Variants in MLIP observed in about 807,000 individuals in gnomAD.
The protein encoded by MLIP is muscular LMNA interacting protein, also known as muscular LMNA-interacting protein.
MLIP carries 79 observed loss-of-function variants against 84.8 expected under a neutral mutation model. The ratio of observed to expected loss-of-function variants is 0.93; its 90% CI spans 0.78 to 1.12. MLIP has a LOEUF of 1.12. Among genes scored for constraint, MLIP ranks in the 50% most tolerant of loss-of-function variants. The pLI is 0.00. For missense variants in MLIP, 1,257 were observed against 1,160.6 expected (o/e 1.08, Z -1.21); for synonymous variants, 504 against 463.0 (o/e 1.09, Z -1.14).
intron 12 of MLIP, among the ~76,000 whole-genome samples, chr6:54,247,841 T>A (rs1446981220): frequency 1.3e-5 from 2 of 151,760 alleles, no homozygotes; most frequent in African/African-American, 4.8e-5. Flanking sequence ...TAGAGGAGAG[T>A]GGAATGGGAT....
chr6:54,037,646 TGCAGAAGTTTATCAGATTTGTTGAGAAA>T (rs1420057455), intron 1 of MLIP, among the ~76,000 whole-genome samples: 1 of 151,982 alleles, frequency 6.6e-6, no homozygotes, highest in Non-Finnish European at 1.5e-5. Flanking sequence ...TTTGTAAATT[TGCAGAAGTTTATCAGATTTGTTGAGAAA>T]GCAAAGGTCA....
chr6:54,134,658 T>C (rs1171264600), intron 3 of MLIP, among the ~76,000 whole-genome samples: 2 of 152,024 alleles, frequency 1.3e-5, no homozygotes, highest in South Asian at 2.1e-4. Context: ...TTTGAGGAAA[T>C]TGGAGAGGTT....
chr6:54,253,755 C>T (rs912568747), intron 12 of MLIP, among the ~76,000 whole-genome samples: 1 of 152,080 alleles, frequency 6.6e-6, no homozygotes, highest in East Asian at 1.9e-4. Context: ...TTGGTGGCAG[C>T]TGTGACCAAA....
At chr6:54,215,186 G>T in intron 11 of MLIP, 5 of 1,535,370 alleles carry the variant, frequency 3.3e-6, no homozygotes, top group Non-Finnish European at 4.4e-6. Context: ...GACACGTCTG[G>T]TCCTTGGCTC....
intron 10 of MLIP, 84 bp downstream of exon 10, chr6:54,189,998 A>G: frequency 2.2e-6 from 2 of 892,234 alleles, no homozygotes; most frequent in Non-Finnish European, 3.5e-6. Context: ...AAAAAAGAAT[A>G]CATTTACTAT....
intron 1 of MLIP, among the ~76,000 whole-genome samples, chr6:54,114,013 G>T (rs945034022): frequency 6.6e-6 from 1 of 152,126 alleles, no homozygotes; most frequent in African/African-American, 2.4e-5. Flanking sequence ...TTTATATTTG[G>T]ACTGGTTCCT....
intron 4 of MLIP, among the ~76,000 whole-genome samples, chr6:54,146,518 C>A (rs921782113): frequency 6.6e-6 from 1 of 152,058 alleles, no homozygotes; most frequent in African/African-American, 2.4e-5. Context: ...GGAAATAGGA[C>A]CAATGAGATA....
chr6:54,029,726 C>A (rs904845790), intron 1 of MLIP, among the ~76,000 whole-genome samples: 1 of 151,918 alleles, frequency 6.6e-6, no homozygotes, highest in Non-Finnish European at 1.5e-5. Context: ...ATCATATAAC[C>A]AAAATTATGT....
rs67803711 is a variant in MLIP, at chr6:54,266,031, C to CTT, written c.*89_*90dup. The CTT allele has an allele frequency of 1.2e-3, 1,445 of 1,200,226 alleles. No individual in the cohort carries two copies. Among genetic ancestry groups the CTT allele is most frequent in the South Asian group, 1.4e-3 (96 of 68,478 alleles). The allele number at this position is 1,200,226 out of a possible 1,614,324, so 74.3% of individuals were successfully genotyped here. The stretch of plus-strand genomic sequence containing the variant: ...GGTGCTAACCACTTGCTAGATTTAA[C>CTT]TTTTTTTTTTTTTTCCAGAATGAGT... On this transcript the variant is annotated 3_prime_UTR_variant, in exon 14 of 14. Transcript: ENST00000502396.
chr6:54,019,114 C>T (rs1763358756), intron 1 of MLIP: 1 of 1,609,528 alleles, frequency 6.2e-7, no homozygotes, highest in Non-Finnish European at 8.5e-7. Context: ...ATTTAGCACA[C>T]ACAGATTTAT....
intron 12 of MLIP, among the ~76,000 whole-genome samples, chr6:54,252,565 A>T (rs564591730): frequency 2.7e-5 from 4 of 147,232 alleles, no homozygotes; most frequent in South Asian, 4.2e-4. Flanking sequence ...ATAACATATT[A>T]TCATGATATG....
At chr6:54,080,508 A>G (rs1767071068) in intron 1 of MLIP, among the ~76,000 whole-genome samples, 1 of 151,930 alleles carries the variant, frequency 6.6e-6, no homozygotes, top group African/African-American at 2.4e-5. Flanking sequence ...CTTTCTATTT[A>G]ATATCAATGG....
intron 1 of MLIP, chr6:54,083,369 C>G (rs1029135809): frequency 1.9e-6 from 2 of 1,043,070 alleles, no homozygotes; most frequent in Admixed American, 2.6e-5. Context: ...ATTGAAATAA[C>G]AGATGCATTG....
Position 54,246,381 on chromosome 6 carries a change from A to G in MLIP, c.2923-10927A>G, listed in dbSNP as rs73741491. On this transcript the variant is annotated intron_variant, in intron 12 of 13. Transcript: ENST00000502396. The stretch of plus-strand genomic sequence containing the variant: ...TCATTGATTTTATTACCAGTATATA[A>G]TATCTTTTTTTCTGTCCCTTATAGC... Among the ~76,000 whole-genome samples, 1,270 of 152,232 alleles carry G rather than the reference A, an allele frequency of 8.3e-3. 19 individuals carry two copies. Among genetic ancestry groups the G allele is most frequent in the African/African-American group, 0.028 (1,152 of 41,564 alleles).
intron 12 of MLIP, among the ~76,000 whole-genome samples, chr6:54,233,692 C>G (rs964271233): frequency 2.0e-5 from 3 of 152,036 alleles, no homozygotes; most frequent in African/African-American, 7.2e-5. Flanking sequence ...GGGTATATAC[C>G]CAGTAATGGG....
intron 11 of MLIP, among the ~76,000 whole-genome samples, chr6:54,225,386 T>C (rs779267580): frequency 6.6e-6 from 1 of 152,194 alleles, no homozygotes; most frequent in Non-Finnish European, 1.5e-5. Context: ...AATCTAAGCA[T>C]ATCTAAACAT....
chr6:54,050,148 C>A (rs138360593), intron 1 of MLIP, among the ~76,000 whole-genome samples: 2 of 152,038 alleles, frequency 1.3e-5, no homozygotes, highest in Non-Finnish European at 2.9e-5. Flanking sequence ...TTTAAATTCA[C>A]TTCCCCTCAT....
At chr6:54,204,255 T>C (rs999867399) in intron 11 of MLIP, among the ~76,000 whole-genome samples, 1 of 152,176 alleles carries the variant, frequency 6.6e-6, no homozygotes, top group Non-Finnish European at 1.5e-5. Flanking sequence ...TTTGTTGATA[T>C]ATAAGGTTGC....
At chr6:54,109,818 A>G (rs1021275279), upstream of MLIP, among the ~76,000 whole-genome samples, 7 of 152,110 alleles carry the variant, frequency 4.6e-5, no homozygotes, top group African/African-American at 7.2e-5. Context: ...CTCCACACTT[A>G]GAAAGTGCAT....
Sources: allele counts gnomAD v4.1 joint callset (sites outside exome capture counted in the v4.1 genomes callset), GRCh38; gene constraint gnomAD v4.1.1; transcripts MANE v1.5; gene names NCBI Gene and HGNC (gene_info 2026-07-23, HGNC 2026-07-21).